The following ALPL variants were observed in gnomAD, a reference collection of about 807,000 sequenced individuals.
The protein encoded by ALPL is alkaline phosphatase, biomineralization associated.
A neutral mutation model predicts 51.3 loss-of-function variants in ALPL; 42 were observed. The ratio of observed to expected loss-of-function variants is 0.82; its 90% CI spans 0.64 to 1.06. The LOEUF is 1.06. ALPL is among the 50% of genes least tolerant of loss of function. The pLI is 0.00. For synonymous variants in ALPL, 279 were observed against 296.4 expected, an observed-to-expected ratio of 0.94 and a Z score of 0.60; for missense variants, 589 against 709.4, an observed-to-expected ratio of 0.83 and a Z score of 1.93.
intron 6 of ALPL, 75 bp from the exon 7 acceptor site, chr1:21,568,029 G>A (rs1558552142): frequency 1.2e-6 from 2 of 1,607,652 alleles, no homozygotes; most frequent in African/African-American, 2.7e-5. Flanking sequence ...CAGGAGTCCA[G>A]GTTCCAAGCC....
intron 1 of ALPL, among the ~76,000 whole-genome samples, chr1:21,511,890 G>A (rs1250412661): frequency 1.3e-5 from 2 of 152,240 alleles, no homozygotes; most frequent in Non-Finnish European, 2.9e-5. Context: ...GATGCTACCT[G>A]AGGAGCTGGG....
chr1:21,547,311 G>A (rs369095029), intron 1 of ALPL, among the ~76,000 whole-genome samples: 3 of 152,056 alleles, frequency 2.0e-5, no homozygotes, highest in African/African-American at 4.8e-5. Context: ...GGGATAAAGC[G>A]GGTCACGGCC....
intron 3 of ALPL, 45 bp downstream of exon 3, chr1:21,560,790 C>G (rs747028412): frequency 3.7e-6 from 6 of 1,612,382 alleles, no homozygotes; most frequent in African/African-American, 1.3e-5. Flanking sequence ...GGACACCTAG[C>G]TAGGAGCCCC....
In ALPL at chr1:21,576,450, G is replaced by A. The variant is rs1644738266; in HGVS notation, c.1190-72G>A. On this transcript the variant is annotated intron_variant, in intron 10 of 11. Transcript: ENST00000374840. Reference sequence around the variant, plus strand: ...CCAGGGGTTACCAAGCCACCAAGGAGCCTAATCTGGGGGCTGGGGACTGTA... The same window carrying A: ...CCAGGGGTTACCAAGCCACCAAGGAACCTAATCTGGGGGCTGGGGACTGTA... 41 of 1,585,944 alleles carry A rather than the reference G, an allele frequency of 2.6e-5. 1 individual carries two copies. In the Middle Eastern group the frequency reaches 5.8e-4, roughly 22 times the overall value.
At chr1:21,577,349 C>T (rs746928499) in intron 11 of ALPL, 34 bp from the exon 12 acceptor site, 12 of 1,613,014 alleles carry the variant, frequency 7.4e-6, no homozygotes, top group Admixed American at 3.3e-5. Context: ...AGGCCCCTGG[C>T]AGGCTCTCAG....
intron 1 of ALPL, among the ~76,000 whole-genome samples, chr1:21,527,709 C>T (rs1353846522): frequency 6.6e-6 from 1 of 152,014 alleles, no homozygotes; most frequent in Admixed American, 6.6e-5. Flanking sequence ...GCCACCACAC[C>T]TGGCTAATTT....
chr1:21,558,542 G>A (rs1011821801), intron 2 of ALPL, among the ~76,000 whole-genome samples: 12 of 152,232 alleles, frequency 7.9e-5, no homozygotes, highest in African/African-American at 2.4e-4. Context: ...GGATAGCTAC[G>A]GGTGTCCCAT....
chr1:21,509,373 C>T (rs1643633561), upstream of ALPL: 1 of 150,000 alleles, frequency 6.7e-6, no homozygotes, highest in Non-Finnish European at 1.5e-5. This position sits in a 1 kb window ranked among gnomAD's most constrained non-coding sequence, Gnocchi z 6.0. Context: ...GCCCGGGCCT[C>T]ACTCGGGCCC....
intron 1 of ALPL, among the ~76,000 whole-genome samples, chr1:21,528,020 TTTTG>T (rs1643972584): frequency 6.6e-6 from 1 of 151,932 alleles, no homozygotes; most frequent in Non-Finnish European, 1.5e-5. Flanking sequence ...TTTTTTGTTT[TTTTG>T]TTTTTTTGTT....
At chr1:21,572,055 C>A (rs577459877) in intron 8 of ALPL, among the ~76,000 whole-genome samples, 2 of 152,020 alleles carry the variant, frequency 1.3e-5, no homozygotes, top group South Asian at 4.2e-4. Flanking sequence ...AGGAAGCTGA[C>A]GTGGGAGGCT....
At chr1:21,538,610 A>G (rs1644141720) in intron 1 of ALPL, among the ~76,000 whole-genome samples, 1 of 152,146 alleles carries the variant, frequency 6.6e-6, no homozygotes, top group Non-Finnish European at 1.5e-5. Context: ...GGCCATCTGC[A>G]CAATGGACAC....
chr1:21,558,332 G>A (rs1045462555), intron 2 of ALPL, among the ~76,000 whole-genome samples: 6 of 152,080 alleles, frequency 3.9e-5, no homozygotes, highest in Non-Finnish European at 7.4e-5. Flanking sequence ...AGGTTGTAGC[G>A]GGTCAGGGTG....
chr1:21,537,939 G>T (rs967687112), intron 1 of ALPL, among the ~76,000 whole-genome samples: 1 of 152,194 alleles, frequency 6.6e-6, no homozygotes, highest in Non-Finnish European at 1.5e-5. Flanking sequence ...CCTGTTAGTA[G>T]CTATGTGACC....
In ALPL at chr1:21,509,538, C is replaced by T. The variant is rs993388513; in HGVS notation, c.-105+21C>T. ...CGCAGGTAAGGATTCGACGCTGCCC[C>T]GCGCCCTGGTTCCCCAGGGCCCCAG... On this transcript the variant is annotated intron_variant, in intron 1 of 11. Transcript: ENST00000374840. The surrounding 1 kb of genome is among the most constrained non-coding windows in gnomAD (Gnocchi z 6.0). The T allele has an allele frequency of 2.0e-5, 3 of 152,336 alleles. No homozygotes were observed. The highest frequency in any genetic ancestry group is 4.8e-5 in the African/African-American group (2 of 41,570). 9.4% of individuals were successfully genotyped at this position (152,336 alleles called of 1,614,324 possible).
chr1:21,515,843 G>A (rs12023068), intron 1 of ALPL, among the ~76,000 whole-genome samples: 1 of 131,002 alleles, frequency 7.6e-6, no homozygotes, highest in Non-Finnish European at 1.7e-5. Flanking sequence ...TTGTTTTTTT[G>A]TTTGTTTGTC....
At chr1:21,552,489 AAAAAG>A in intron 1 of ALPL, among the ~76,000 whole-genome samples, 1 of 152,058 alleles carries the variant, frequency 6.6e-6, no homozygotes, top group South Asian at 2.1e-4. Flanking sequence ...CAAAAAAAAA[AAAAAG>A]AAAAAGAAAA....
chr1:21,544,239 G>C (rs549633360), intron 1 of ALPL, among the ~76,000 whole-genome samples: 2 of 152,214 alleles, frequency 1.3e-5, no homozygotes, highest in African/African-American at 4.8e-5. Flanking sequence ...AAACAGTTTC[G>C]GAGGTGCAGG....
Position 21,554,426 on chromosome 1 carries a change from CAT to C in ALPL, c.61+293_61+294del, listed in dbSNP as rs761719493. ...TATATTTTCCACATATATATTTTTC[CAT>C]ATATATATTTCATATATATATTTTT... On this transcript the variant is annotated intron_variant, in intron 2 of 11. Coordinates refer to ENST00000374840, the MANE Select transcript of ALPL (RefSeq NM_000478.6). Among the ~76,000 whole-genome samples the C allele has an allele frequency of 1.5e-4, 22 of 145,068 alleles. No homozygotes were observed. In the East Asian group the frequency reaches 1.6e-3, roughly 10 times the overall value.
chr1:21,510,775 A>C (rs186627208), intron 1 of ALPL, among the ~76,000 whole-genome samples: 6 of 152,220 alleles, frequency 3.9e-5, no homozygotes, highest in African/African-American at 1.4e-4. Context: ...GCTCTTTCCA[A>C]CTGTTTAGTC....
Sources: gnomAD v4.1 joint callset for allele counts (sites outside exome capture counted in the v4.1 genomes callset) on GRCh38, gnomAD v4.1.1 for gene constraint, Gnocchi (gnomAD v3.1) non-coding constraint, MANE v1.5 for transcripts, NCBI Gene and HGNC (gene_info 2026-07-23, HGNC 2026-07-21) for gene names.